TTLL4: variants seen among roughly 807,000 people sequenced by gnomAD.
TTLL4 encodes the protein tubulin tyrosine ligase like 4, also known as tubulin monoglutamylase TTLL4.
In TTLL4, 85 loss-of-function variants were observed where a neutral mutation model predicts 122.7. The ratio of observed to expected loss-of-function variants is 0.69; its 90% CI spans 0.58 to 0.83. The LOEUF is 0.83. Among genes scored for constraint, TTLL4 ranks in the 40% least tolerant of loss-of-function variants. TTLL4 has a pLI of 0.00. For synonymous variants in TTLL4, 553 were observed against 563.0 expected (o/e 0.98, Z 0.25); for missense variants, 1,363 against 1,488.6 (o/e 0.92, Z 1.39).
chr2:218,738,968 T>C lies in TTLL4; in HGVS notation c.1292T>C (p.Leu431Pro). The change falls in exon 3 of 20, where the codon CTC (leucine) becomes CCC (proline). Residue 431 changes from leucine to proline, a missense_variant. By Grantham distance (98) the Leu-to-Pro change is moderately conservative. This residue lies in a region of TTLL4 where 760 missense variants were observed against 808.4 expected (regional missense o/e 0.94). Coordinates refer to ENST00000392102, the MANE Select transcript of TTLL4 (RefSeq NM_014640.5). ...IHLLASHASG[L>P]NHNPACESVI... ...CTCCTTGCCTCACATGCCAGTGGGCTCAATCACAACCCTGCCTGTGAATCT... is the reference window on the plus strand; with the variant it reads ...CTCCTTGCCTCACATGCCAGTGGGCCCAATCACAACCCTGCCTGTGAATCT... 1 of 1,614,200 alleles carries C rather than the reference T, an allele frequency of 6.2e-7. No individual in the cohort carries two copies. The highest frequency in any genetic ancestry group is 8.5e-7 in the Non-Finnish European group (1 of 1,180,042).
intron 1 of TTLL4, among the ~76,000 whole-genome samples, chr2:218,718,788 C>A (rs1941945073): frequency 6.6e-6 from 1 of 152,104 alleles, no homozygotes; most frequent in South Asian, 2.1e-4. Context: ...TAGGCAGTTT[C>A]CAAATGCTGC....
intron 1 of TTLL4, among the ~76,000 whole-genome samples, chr2:218,724,900 C>G (rs548953159): frequency 6.6e-6 from 1 of 151,696 alleles, no homozygotes; most frequent in Non-Finnish European, 1.5e-5. Context: ...ATTTTATTTT[C>G]GTATTTTATT....
At chr2:218,728,444 A>T (rs1420811346) in intron 2 of TTLL4, among the ~76,000 whole-genome samples, 2 of 152,152 alleles carry the variant, frequency 1.3e-5, no homozygotes, top group African/African-American at 4.8e-5. Flanking sequence ...TGAGAATCTA[A>T]TGTTGCCGCT....
intron 15 of TTLL4, among the ~76,000 whole-genome samples, chr2:218,751,132 CT>C (rs199973969): frequency 0.011 from 1,681 of 152,298 alleles, 32 homozygotes; most frequent in African/African-American, 0.038. Flanking sequence ...ACAAAACTTA[CT>C]TTCCCCGCTT....
At chr2:218,756,786 A>C (rs1943159756), downstream of TTLL4, among the ~76,000 whole-genome samples, 2 of 152,314 alleles carry the variant, frequency 1.3e-5, no homozygotes, top group African/African-American at 4.8e-5. Context: ...TTCTTGAGAC[A>C]AGGAATGAAG....
Position 218,730,376 on chromosome 2 carries a change from C to T in TTLL4, c.-99+3029C>T, listed in dbSNP as rs186609770. On this transcript the variant is annotated intron_variant, in intron 2 of 19. Coordinates refer to ENST00000392102, the MANE Select transcript of TTLL4 (RefSeq NM_014640.5). Reference sequence around the variant, plus strand: ...AAAAAAAATTAGCTGGGTGTGGTGGCGCGTGCCTGTAGCCCCAGCTACTCG... The same window carrying T: ...AAAAAAAATTAGCTGGGTGTGGTGGTGCGTGCCTGTAGCCCCAGCTACTCG... Among the ~76,000 whole-genome samples, 101 of 142,648 alleles carry T rather than the reference C, an allele frequency of 7.1e-4. 1 individual carries two copies. Among genetic ancestry groups the T allele is most frequent in the Middle Eastern group, 8.8e-3 (2 of 228 alleles). 93.6% of individuals were successfully genotyped at this position (142,648 alleles called of 152,430 possible).
In TTLL4 at chr2:218,741,883, A is replaced by G. The variant is rs183904656; in HGVS notation, c.1661+1299A>G. Among the ~76,000 whole-genome samples, 6 of 152,362 alleles carry G rather than the reference A, an allele frequency of 3.9e-5. No individual in the cohort carries two copies. The East Asian group carries it at 1.2e-3, about 29-fold the overall frequency. ...GGTGTTTGTTAATCATTTGCTCATTAATTAATTAACTTCTACAAATTGCAC... is the reference window on the plus strand; with the variant it reads ...GGTGTTTGTTAATCATTTGCTCATTGATTAATTAACTTCTACAAATTGCAC... On this transcript the variant is annotated intron_variant, in intron 5 of 19. Transcript: ENST00000392102.
intron 3 of TTLL4, among the ~76,000 whole-genome samples, chr2:218,739,656 A>G (rs918175841): frequency 2.0e-5 from 3 of 152,218 alleles, no homozygotes; most frequent in Non-Finnish European, 2.9e-5. Context: ...GGGCACACAC[A>G]TAGTTGGCTC....
chr2:218,743,967 C>CT (rs1484491740), intron 5 of TTLL4, among the ~76,000 whole-genome samples: 1 of 152,270 alleles, frequency 6.6e-6, no homozygotes, highest in Non-Finnish European at 1.5e-5. Context: ...GCATGAGCCA[C>CT]TGCACCCGGC....
Position 218,754,169 on chromosome 2 carries a change from C to T in TTLL4, c.3380C>T (p.Ser1127Phe), listed in dbSNP as rs1182620480. 2.5e-6 allele frequency: 4 copies of T among 1,614,106 alleles called. No individual in the cohort carries two copies. Among genetic ancestry groups the T allele is most frequent in the Non-Finnish European group, 2.5e-6 (3 of 1,180,048 alleles). The change falls in exon 20 of 20, where the codon TCT becomes TTT. Residue 1127 changes from serine (S) to phenylalanine (F), a missense_variant. By Grantham distance (155) the Ser-to-Phe change is radical. This residue lies in a region of TTLL4 where 596 missense variants were observed against 655.8 expected (regional missense o/e 0.91). Transcript: ENST00000392102. ...TCCTGTGAGGTTAGCCTACTACTCT[C>T]TGAAGACGGGACCACGCCCAAATCC... is the stretch of plus-strand genomic sequence containing the variant. ...QSSCEVSLLLSEDGTTPKSKK... is the reference protein window; with the variant it reads ...QSSCEVSLLLFEDGTTPKSKK...
In TTLL4 at chr2:218,740,560, G is replaced by C. The variant is rs367970100; in HGVS notation, c.1637G>C (p.Ser546Thr). The C allele has an allele frequency of 5.6e-6, 9 of 1,614,048 alleles. No homozygotes were observed. Among genetic ancestry groups the C allele is most frequent in the African/African-American group, 1.3e-5 (1 of 74,912 alleles). The change falls in exon 5 of 20, where the codon AGC (serine) becomes ACC (threonine). Residue 546 changes from serine to threonine, a missense_variant. Physicochemically the swap from Ser to Thr is moderately conservative, Grantham distance 58. This residue lies in a region of TTLL4 where 760 missense variants were observed against 808.4 expected (regional missense o/e 0.94). Coordinates refer to ENST00000392102, the MANE Select transcript of TTLL4 (RefSeq NM_014640.5). ...TCCTCATTAAGTGCTGTCTCCCCCA[G>C]CGAATCGGTGGCCATGATCTCTAGG... ...ECSSLSAVSPSESVAMISRSC... is the reference protein window; with the variant it reads ...ECSSLSAVSPTESVAMISRSC...
intron 5 of TTLL4, among the ~76,000 whole-genome samples, chr2:218,744,678 C>T (rs974852576): frequency 8.5e-5 from 13 of 152,146 alleles, no homozygotes; most frequent in Admixed American, 3.9e-4. Context: ...AAAGTCTCTA[C>T]ACCTCAGATC....
chr2:218,717,098 C>T (rs7568432), intron 1 of TTLL4, among the ~76,000 whole-genome samples: 9,529 of 151,968 alleles, frequency 0.063, 943 homozygotes, highest in African/African-American at 0.21. Context: ...CCTCCTACCA[C>T]AGGCATGCAC....
chr2:218,752,662 T>C, intron 16 of TTLL4, 101 bp from the exon 17 acceptor site: 2 of 1,265,518 alleles, frequency 1.6e-6, no homozygotes, highest in Non-Finnish European at 2.3e-6. Context: ...CCCGGAGCTG[T>C]AGGACCCCAG....
chr2:218,759,213 C>G (rs1943198938), downstream of TTLL4, among the ~76,000 whole-genome samples: 1 of 151,858 alleles, frequency 6.6e-6, no homozygotes, highest in Non-Finnish European at 1.5e-5. Context: ...CCATTGCACT[C>G]CAGCCCGGGC....
Position 218,738,530 on chromosome 2 carries a change from T to C in TTLL4, c.854T>C (p.Ile285Thr), listed in dbSNP as rs1942602065. 1 of 1,614,022 alleles carries C rather than the reference T, an allele frequency of 6.2e-7. No homozygotes were observed. Among genetic ancestry groups the C allele is most frequent in the Admixed American group, 1.7e-5 (1 of 59,996 alleles). The change falls in exon 3 of 20, where the codon ATC becomes ACC. Residue 285 changes from isoleucine to threonine, a missense_variant. Transcript: ENST00000392102. ...GTVPADASAH[I>T]ALSTASSHDT... is the part of the protein sequence containing the mutation. ...GTCCCAGCTGATGCCAGTGCCCATA[T>C]CGCCTTGTCTACCGCTAGCTCCCAC...
chr2:218,751,995 C>T (rs1943033965), intron 16 of TTLL4, among the ~76,000 whole-genome samples, 189 bp downstream of exon 16: 1 of 150,924 alleles, frequency 6.6e-6, no homozygotes, highest in Admixed American at 6.6e-5. Context: ...GCAACCTCCG[C>T]CTCCCAGGTT....
At chr2:218,752,480 T>C (rs569235705) in intron 16 of TTLL4, among the ~76,000 whole-genome samples, 117 of 152,306 alleles carry the variant, frequency 7.7e-4, no homozygotes, top group Non-Finnish European at 1.4e-3. Flanking sequence ...AAATCTGAAT[T>C]GCTGGATCCT....
intron 2 of TTLL4, among the ~76,000 whole-genome samples, chr2:218,735,968 T>C (rs1190837618): frequency 2.3e-4 from 9 of 39,956 alleles, no homozygotes; most frequent in East Asian, 2.3e-3. Context: ...GTGCCCAGCC[T>C]TTTTTTTTTT....
Sources: gnomAD v4.1 joint callset for allele counts (sites outside exome capture counted in the v4.1 genomes callset) on GRCh38, gnomAD v4.1.1 for gene constraint, gnomAD v4.1.1 regional missense constraint, MANE v1.5 for transcripts, NCBI Gene and HGNC (gene_info 2026-07-23, HGNC 2026-07-21) for gene names.